The following ZNF420 variants were observed in gnomAD, a reference collection of about 807,000 sequenced individuals.
ZNF420 encodes the protein ATM and p53-associated KZNF protein.
ZNF420 carries 31 observed loss-of-function variants against 44.7 expected under a neutral mutation model. The ratio of observed to expected loss-of-function variants is 0.69; its 90% CI spans 0.52 to 0.94. The LOEUF is 0.94. Among genes scored for constraint, ZNF420 ranks in the 40% least tolerant of loss-of-function variants. The pLI is 0.00. For synonymous variants in ZNF420, 245 were observed against 267.4 expected (o/e 0.92, Z 0.82); for missense variants, 681 against 827.9 (o/e 0.82, Z 2.18).
chr19:37,049,797 A>G (rs1317973945), intron 1 of ZNF420, among the ~76,000 whole-genome samples: 1 of 152,188 alleles, frequency 6.6e-6, no homozygotes, highest in Non-Finnish European at 1.5e-5. Flanking sequence ...GCCCATGCCT[A>G]TGTCCTGAAT....
At chr19:37,090,913 C>T in intron 3 of ZNF420, 82 bp from the exon 4 acceptor site, 1 of 1,408,952 alleles carries the variant, frequency 7.1e-7, no homozygotes, top group Non-Finnish European at 9.5e-7. Context: ...GAGCAAGACT[C>T]CATCTCAAAA....
At chr19:37,059,610 G>A (rs1281371676) in intron 1 of ZNF420, among the ~76,000 whole-genome samples, 2 of 152,158 alleles carry the variant, frequency 1.3e-5, no homozygotes, top group African/African-American at 2.4e-5. Context: ...GCTCAGGCCT[G>A]CCCGGACGTG....
In ZNF420 at chr19:37,098,124, G is replaced by A. The variant is rs192945539; in HGVS notation, c.136+7003G>A. Among the ~76,000 whole-genome samples the A allele has an allele frequency of 3.6e-3, 553 of 152,076 alleles. 1 individual carries two copies. The highest frequency in any genetic ancestry group is 4.7e-3 in the Non-Finnish European group (321 of 67,988). ...GTGCCACCATGCCTGGCTAATTTTT[G>A]TAGTTTTTGTAGAGATGAGGTTTTG... On this transcript the variant is annotated intron_variant, in intron 4 of 4. Transcript: ENST00000337995.
intron 4 of ZNF420, among the ~76,000 whole-genome samples, chr19:37,104,000 C>CT (rs1969928668): frequency 6.2e-5 from 8 of 128,870 alleles, no homozygotes; most frequent in Non-Finnish European, 1.2e-4. Context: ...TTTTATTATA[C>CT]TTTAAGTTCT....
At chr19:37,020,183 C>G (rs912109039) in intron 1 of ZNF420, among the ~76,000 whole-genome samples, 3 of 148,848 alleles carry the variant, frequency 2.0e-5, no homozygotes, top group Non-Finnish European at 4.4e-5. Context: ...CGCCACTGCA[C>G]TCCAGCCTGG....
intron 1 of ZNF420, among the ~76,000 whole-genome samples, chr19:37,070,408 GA>G (rs1180003917): frequency 6.6e-6 from 1 of 151,976 alleles, no homozygotes; most frequent in Non-Finnish European, 1.5e-5. Context: ...AAGCCATAGA[GA>G]AAAAAATTCA....
intron 4 of ZNF420, among the ~76,000 whole-genome samples, chr19:37,120,155 C>A (rs1333205448): frequency 1.3e-5 from 2 of 152,144 alleles, no homozygotes; most frequent in Non-Finnish European, 2.9e-5. Flanking sequence ...CAAAGCCTGG[C>A]AGAGACACAG....
intron 1 of ZNF420, among the ~76,000 whole-genome samples, chr19:37,053,289 C>G (rs1775830534): frequency 6.6e-6 from 1 of 152,192 alleles, no homozygotes; most frequent in South Asian, 2.1e-4. Context: ...TTTTTAACCT[C>G]TTTGCCATGG....
Position 37,058,836 on chromosome 19 carries a change from G to A in ZNF420, c.-124-21509G>A, listed in dbSNP as rs534254470. 3.9e-5 allele frequency among the ~76,000 whole-genome samples: 6 copies of A among 152,266 alleles called. No individual in the cohort carries two copies. In the South Asian group the frequency reaches 1.0e-3, roughly 26 times the overall value. ...GTCTCATTGGCTCTACCTCGGACTC[G>A]CCCTATCCCTGTTTCCACGTCTCCT... is the stretch of plus-strand genomic sequence containing the variant. On this transcript the variant is annotated intron_variant, in intron 1 of 4. Transcript: ENST00000587029.
intron 4 of ZNF420, among the ~76,000 whole-genome samples, chr19:37,098,518 G>A (rs376013311): frequency 5.9e-5 from 9 of 152,098 alleles, no homozygotes; most frequent in South Asian, 2.1e-4. Context: ...TTACTGTTGC[G>A]TTAATAGGTT....
intron 4 of ZNF420, among the ~76,000 whole-genome samples, chr19:37,114,525 T>C (rs1305329286): frequency 6.6e-6 from 1 of 152,054 alleles, no homozygotes; most frequent in Non-Finnish European, 1.5e-5. Flanking sequence ...GGAGAGGAGT[T>C]GGCCATCGTG....
rs144804517 is a variant in ZNF420, at chr19:37,055,455, C to T, written c.-124-24890C>T. On this transcript the variant is annotated intron_variant, in intron 1 of 4. Coordinates refer to the ZNF420 transcript ENST00000587029. ...CCTGAGGACAGGGGTCCTGGGGGTC[C>T]GGCCCCGAAGTCCCCTCTCCAACAA... 2.1e-3 allele frequency among the ~76,000 whole-genome samples: 314 copies of T among 152,302 alleles called. 3 individuals carry two copies. The highest frequency in any genetic ancestry group is 7.1e-3 in the African/African-American group (297 of 41,568).
chr19:37,024,443 GA>G (rs2074670404), intron 1 of ZNF420, among the ~76,000 whole-genome samples: 6 of 151,714 alleles, frequency 4.0e-5, no homozygotes, highest in Non-Finnish European at 5.9e-5. Context: ...TTCACAAAGG[GA>G]TTTTTTTGTT....
At chr19:37,020,739 T>C (rs564694006) in intron 1 of ZNF420, among the ~76,000 whole-genome samples, 1 of 152,336 alleles carries the variant, frequency 6.6e-6, no homozygotes, top group Admixed American at 6.5e-5. Flanking sequence ...TTCTGACATA[T>C]GCTGCAACAT....
At chr19:37,121,322 A>C (rs1428607971) in intron 4 of ZNF420, among the ~76,000 whole-genome samples, 2 of 145,974 alleles carry the variant, frequency 1.4e-5, no homozygotes, top group East Asian at 3.9e-4. Flanking sequence ...ATAATGCCGC[A>C]TATCTACAAC....
chr19:37,102,515 G>A (rs953740190), intron 4 of ZNF420, among the ~76,000 whole-genome samples: 1 of 152,124 alleles, frequency 6.6e-6, no homozygotes, highest in Non-Finnish European at 1.5e-5. Context: ...TTGATTGCAC[G>A]CCCAAGGCCA....
intron 1 of ZNF420, among the ~76,000 whole-genome samples, chr19:37,053,226 G>A (rs1158684136): frequency 6.6e-6 from 1 of 152,098 alleles, no homozygotes; most frequent in Non-Finnish European, 1.5e-5. Context: ...GTCCTTTAAG[G>A]ACTTCTCTGC....
chr19:37,042,541 G>T (rs1967473663), intron 1 of ZNF420, among the ~76,000 whole-genome samples: 1 of 152,170 alleles, frequency 6.6e-6, no homozygotes, highest in Non-Finnish European at 1.5e-5. Context: ...TTCCAAACAA[G>T]ACTCAAATTA....
chr19:37,089,066 C>G lies in ZNF420; in HGVS notation c.-53C>G. 7.6e-6 allele frequency: 12 copies of G among 1,585,950 alleles called. No homozygotes were observed. The highest frequency in any genetic ancestry group is 9.5e-6 in the Non-Finnish European group (11 of 1,154,278). ...CTGCATTCTCCAGACTCTGTGCTTT[C>G]CTAAGATAGGAACCCAGAAGAGGAC... On this transcript the variant is annotated 5_prime_UTR_variant, in exon 3 of 5. Coordinates refer to ENST00000337995, the MANE Select transcript of ZNF420 (RefSeq NM_144689.5).
Sources: gnomAD v4.1 joint callset for allele counts (sites outside exome capture counted in the v4.1 genomes callset) on GRCh38, gnomAD v4.1.1 for gene constraint, MANE v1.5 for transcripts, NCBI Gene and HGNC (gene_info 2026-07-23, HGNC 2026-07-21) for gene names.